Variants in ERCC6L2 observed in about 807,000 individuals in gnomAD.
ERCC6L2 encodes the protein DNA excision repair protein ERCC-6-like 2.
Under a neutral mutation model 132.0 loss-of-function variants are expected in ERCC6L2, and 77 were observed. The observed-to-expected ratio is 0.58, with a 90% CI of 0.49 to 0.71. The LOEUF is 0.71. Among genes scored for constraint, ERCC6L2 ranks in the 30% least tolerant of loss-of-function variants. ERCC6L2 has a pLI of 0.00. For missense variants in ERCC6L2, 1,542 were observed against 1,837.6 expected (o/e 0.84, Z 2.94); for synonymous variants, 583 against 632.4 (o/e 0.92, Z 1.17).
At chr9:95,991,301 A>T (rs146648608) in intron 17 of ERCC6L2, among the ~76,000 whole-genome samples, 3 of 152,162 alleles carry the variant, frequency 2.0e-5, no homozygotes, top group Non-Finnish European at 4.4e-5. Context: ...TTCTTGCAGG[A>T]AAAAGAAACT....
intron 12 of ERCC6L2, chr9:95,955,044 CCTCAGCAA>C (rs1157867603): frequency 2.7e-6 from 1 of 369,944 alleles, no homozygotes; most frequent in African/African-American, 2.1e-5. Context: ...CCCCGGTTCC[CCTCAGCAA>C]CTGTAACAGG....
At chr9:96,007,696 C>T (rs1833905255) in intron 18 of ERCC6L2, among the ~76,000 whole-genome samples, 1 of 152,000 alleles carries the variant, frequency 6.6e-6, no homozygotes, top group African/African-American at 2.4e-5. Flanking sequence ...GCAGAAGACT[C>T]GGGGGACTCT....
intron 13 of ERCC6L2, among the ~76,000 whole-genome samples, chr9:95,958,078 C>A (rs1831704123): frequency 7.3e-6 from 1 of 136,268 alleles, no homozygotes; most frequent in Non-Finnish European, 1.5e-5. Context: ...CTTCCTGTGT[C>A]CATGTGTTCT....
At chr9:95,979,972 A>T (rs1463966455) in intron 17 of ERCC6L2, among the ~76,000 whole-genome samples, 1 of 152,206 alleles carries the variant, frequency 6.6e-6, no homozygotes, top group Non-Finnish European at 1.5e-5. Flanking sequence ...TAATTTGGCA[A>T]ACCGCTGTAG....
At chr9:95,931,958 A>C (rs886841379) in intron 11 of ERCC6L2, among the ~76,000 whole-genome samples, 20 of 151,856 alleles carry the variant, frequency 1.3e-4, no homozygotes, top group Non-Finnish European at 2.8e-4. Flanking sequence ...CAGACTTTCA[A>C]ACTTTCAAAC....
intron 3 of ERCC6L2, among the ~76,000 whole-genome samples, chr9:95,898,992 A>G (rs1828614914): frequency 6.6e-6 from 1 of 152,184 alleles, no homozygotes; most frequent in Admixed American, 6.5e-5. Context: ...TAGCTCAAGT[A>G]CTGTTTTTAG....
intron 12 of ERCC6L2, among the ~76,000 whole-genome samples, chr9:95,949,750 C>T (rs1262402360): frequency 6.6e-6 from 1 of 152,160 alleles, no homozygotes; most frequent in Non-Finnish European, 1.5e-5. Flanking sequence ...TGGCTCACGC[C>T]TGTAATCCCA....
chr9:95,985,377 A>G (rs147410505), intron 17 of ERCC6L2, among the ~76,000 whole-genome samples: 415 of 152,248 alleles, frequency 2.7e-3, no homozygotes, highest in African/African-American at 9.7e-3. Flanking sequence ...CCCTACAACC[A>G]TTTTCACAAG....
chr9:95,957,109 G>C (rs906728591), intron 13 of ERCC6L2, among the ~76,000 whole-genome samples: 14 of 152,214 alleles, frequency 9.2e-5, no homozygotes, highest in African/African-American at 3.1e-4. Context: ...TAATATGCTT[G>C]AGATATCAAT....
Position 96,017,329 on chromosome 9 carries a change from C to T in ERCC6L2, c.*4126C>T, listed in dbSNP as rs757288121. 3.3e-5 allele frequency among the ~76,000 whole-genome samples: 5 copies of T among 152,114 alleles called. No homozygotes were observed. The highest frequency in any genetic ancestry group is 5.9e-5 in the Non-Finnish European group (4 of 67,986). On this transcript the variant is annotated 3_prime_UTR_variant, in exon 19 of 19. Coordinates refer to ENST00000653738, the MANE Select transcript of ERCC6L2 (RefSeq NM_020207.7). ...GGCCACCCCAGGAGAGCTATTTTGC[C>T]TCAGGGTCTTGCAGGGTTTCTCTAG...
rs139933546 is a variant in ERCC6L2 at position 96,037,891 on chromosome 9, G to A, written c.*1504-985G>A. On this transcript the variant is annotated intron_variant and NMD_transcript_variant, in intron 19 of 20. Coordinates refer to the ERCC6L2 transcript ENST00000670016. ...GGTATCAACAGGTGTCCAGGGTGGC[G>A]CAGGGGCCACAAAGAACAGGTGATC... Among the ~76,000 whole-genome samples the A allele has an allele frequency of 3.7e-3, 567 of 151,960 alleles. 3 individuals are homozygous for A. Among genetic ancestry groups the A allele is most frequent in the African/African-American group, 0.013 (543 of 41,438 alleles).
intron 17 of ERCC6L2, among the ~76,000 whole-genome samples, chr9:95,980,687 G>A (rs1832853936): frequency 6.6e-6 from 1 of 152,134 alleles, no homozygotes; most frequent in Non-Finnish European, 1.5e-5. Context: ...AGGTTTTGCA[G>A]CTGGTGTGGC....
In ERCC6L2 at chr9:95,973,063, G is replaced by C. The variant is rs377009613; in HGVS notation, c.3312G>C (p.Ser1104=). 1 of 1,348,766 alleles carries C rather than the reference G, an allele frequency of 7.4e-7. No homozygotes were observed. Among genetic ancestry groups the C allele is most frequent in the Non-Finnish European group, 9.9e-7 (1 of 1,014,988 alleles). 83.5% of individuals were successfully genotyped at this position (1,348,766 alleles called of 1,614,324 possible). ...SNEKVVNQEQ[S]YESMDKFLDG... ...AGAAAGTTGTTAATCAAGAGCAGTC[G>C]TATGAATCAATGGATAAATTTTTAG... Residue 1104 remains serine, a synonymous_variant, in exon 16 of 19, where the codon TCG becomes TCC. Coordinates refer to ENST00000653738, the MANE Select transcript of ERCC6L2 (RefSeq NM_020207.7).
rs1428651295 is a variant in ERCC6L2 at position 95,875,880 on chromosome 9, C to T, written c.-159C>T. 3 of 700,502 alleles carry T rather than the reference C, an allele frequency of 4.3e-6. No individual in the cohort carries two copies. The highest frequency in any genetic ancestry group is 4.8e-6 in the Non-Finnish European group (2 of 415,570). The allele number at this position is 700,502 out of a possible 1,614,324, so 43.4% of individuals were successfully genotyped here. A position where few individuals can be genotyped will look rare whatever the true frequency, so the allele number is the denominator to read the frequency against. Reference sequence around the variant, plus strand: ...TAGTCGCTACCTTTGCTGGGATCCCCCTCCTCCATCCTGTGGCTTCGGGTT... The same window carrying T: ...TAGTCGCTACCTTTGCTGGGATCCCTCTCCTCCATCCTGTGGCTTCGGGTT... On this transcript the variant is annotated 5_prime_UTR_variant, in exon 1 of 19. Transcript: ENST00000653738.
intron 2 of ERCC6L2, 103 bp from the exon 3 acceptor site, chr9:95,897,746 C>CT: frequency 8.5e-7 from 1 of 1,180,894 alleles, no homozygotes; most frequent in Admixed American, 2.4e-5. Flanking sequence ...CAACAAATCT[C>CT]TTTGTACATA....
chr9:95,973,634 C>T (rs910526823), intron 16 of ERCC6L2, among the ~76,000 whole-genome samples: 5 of 152,018 alleles, frequency 3.3e-5, no homozygotes, highest in South Asian at 2.1e-4. Flanking sequence ...GAGACTTATT[C>T]GCTATCATGA....
At position 95,881,008 on chromosome 9, in the gene ERCC6L2, G is replaced by A. The variant is rs760074333; in HGVS notation, c.186G>A (p.Arg62=). Residue 62 remains arginine, a synonymous_variant, in exon 2 of 19, where the codon AGG becomes AGA. Transcript: ENST00000653738. ...TCTTATATGCAGATTTTCAAGAAAGGAAAATACCTCTTAAACAGCTTCAAG... is the reference window on the plus strand; with the variant it reads ...TCTTATATGCAGATTTTCAAGAAAGAAAAATACCTCTTAAACAGCTTCAAG... ...AVVLYADFQE[R]KIPLKQLQEV... 6.2e-7 allele frequency: 1 copy of A among 1,613,976 alleles called. No individual in the cohort carries two copies. Among genetic ancestry groups the A allele is most frequent in the Non-Finnish European group, 8.5e-7 (1 of 1,179,910 alleles).
chr9:95,995,015 C>G (rs146171612), intron 17 of ERCC6L2, among the ~76,000 whole-genome samples: 2 of 152,254 alleles, frequency 1.3e-5, no homozygotes, highest in Non-Finnish European at 2.9e-5. Context: ...CTGAACAATT[C>G]TAGTATAGCC....
chr9:95,967,676 A>T (rs1195888131), intron 14 of ERCC6L2: 1 of 152,134 alleles, frequency 6.6e-6, no homozygotes, highest in Non-Finnish European at 1.5e-5. Context: ...ACAGTTTCTG[A>T]TATATACTGC....
Sources: allele counts gnomAD v4.1 joint callset (sites outside exome capture counted in the v4.1 genomes callset), GRCh38; gene constraint gnomAD v4.1.1; transcripts MANE v1.5; gene names NCBI Gene and HGNC (gene_info 2026-07-23, HGNC 2026-07-21).